Variants in PRMT8 observed in about 807,000 individuals in gnomAD.
PRMT8 encodes protein arginine methyltransferase 8.
Under a neutral mutation model 47.1 loss-of-function variants are expected in PRMT8, and 7 were observed. The observed-to-expected ratio is 0.15, with a 90% CI of 0.08 to 0.28. The LOEUF is 0.28. PRMT8 is among the 10% of genes least tolerant of loss of function. PRMT8 has a pLI of 1.00. For missense variants in PRMT8, 237 were observed against 505.4 expected (o/e 0.47, Z 5.09); for synonymous variants, 188 against 186.5 (o/e 1.01, Z -0.07).
At chr12:3,465,278 A>AG (rs1865086659) in intron 1 of PRMT8, among the ~76,000 whole-genome samples, 2 of 118,072 alleles carry the variant, frequency 1.7e-5, no homozygotes, top group South Asian at 6.4e-4. Context: ...TATAAAAATA[A>AG]AAAATATATA....
intron 1 of PRMT8, among the ~76,000 whole-genome samples, chr12:3,412,766 G>T (rs527665479): frequency 6.6e-6 from 1 of 152,088 alleles, no homozygotes; most frequent in African/African-American, 2.4e-5. Context: ...TTATGGATGC[G>T]TTCCCTTATA....
At chr12:3,592,427 G>A (rs1867327867) in intron 9 of PRMT8, 75 bp downstream of exon 9, 10 of 1,499,742 alleles carry the variant, frequency 6.7e-6, no homozygotes, top group South Asian at 5.2e-5. Context: ...CCACTTGCCC[G>A]GGTTCTTAAG....
chr12:3,412,740 T>G (rs1118701), intron 1 of PRMT8, among the ~76,000 whole-genome samples: 152,282 of 152,282 alleles, frequency 1, 76,141 homozygotes, highest in Non-Finnish European at 1. Context: ...GGTGGGGCCA[T>G]GTGGAGATAA....
At position 3,509,395 on chromosome 12, in the gene PRMT8, G is replaced by A. The variant is rs1865676967; in HGVS notation, c.75+17695G>A. Among the ~76,000 whole-genome samples the A allele has an allele frequency of 2.0e-5, 3 of 152,130 alleles. No individual in the cohort carries two copies. In the South Asian group the frequency reaches 6.2e-4, roughly 32 times the overall value. ...TTCCTGCTACCACCTTCAGATCCAA[G>A]TCTCCTCCTATGTTATCCTATAGTA... On this transcript the variant is annotated intron_variant, in intron 1 of 9. Transcript: ENST00000382622.
At chr12:3,464,269 G>GT (rs1321018467) in intron 1 of PRMT8, among the ~76,000 whole-genome samples, 3 of 144,792 alleles carry the variant, frequency 2.1e-5, no homozygotes, top group African/African-American at 5.1e-5. Context: ...ATGAATCCTG[G>GT]TAAAAAAAAA....
intron 1 of PRMT8, among the ~76,000 whole-genome samples, chr12:3,399,571 C>A (rs1338893144): frequency 6.6e-6 from 1 of 152,130 alleles, no homozygotes; most frequent in Non-Finnish European, 1.5e-5. Flanking sequence ...GTACAGAAAA[C>A]CATATCAGGA....
intron 1 of PRMT8, among the ~76,000 whole-genome samples, chr12:3,465,925 G>A (rs1865093371): frequency 6.6e-6 from 1 of 152,110 alleles, no homozygotes; most frequent in Non-Finnish European, 1.5e-5. Flanking sequence ...AAGAAATGTA[G>A]TCAACACTCC....
At chr12:3,511,815 A>G (rs1049204923) in intron 1 of PRMT8, among the ~76,000 whole-genome samples, 2 of 152,008 alleles carry the variant, frequency 1.3e-5, no homozygotes, top group African/African-American at 2.4e-5. Context: ...GCTAAAGGGG[A>G]AAAAAAAGCA....
intron 7 of PRMT8, 129 bp from the exon 8 acceptor site, chr12:3,582,929 A>T (rs1867097016): frequency 8.8e-7 from 1 of 1,131,136 alleles, no homozygotes; most frequent in Non-Finnish European, 1.2e-6. Flanking sequence ...CTGGGAAATC[A>T]CCCCAAGAAT....
At chr12:3,522,801 CA>C (rs538695308) in intron 1 of PRMT8, among the ~76,000 whole-genome samples, 3 of 150,052 alleles carry the variant, frequency 2.0e-5, no homozygotes, top group African/African-American at 7.4e-5. Context: ...AAAAAACAAA[CA>C]AACAAAAAAA....
intron 1 of PRMT8, among the ~76,000 whole-genome samples, chr12:3,394,733 G>C (rs1174191201): frequency 6.6e-6 from 1 of 152,102 alleles, no homozygotes; most frequent in Non-Finnish European, 1.5e-5. Flanking sequence ...CATAAAATGA[G>C]TTAGGGAGGA....
At chr12:3,584,959 C>G (rs922200750) in intron 8 of PRMT8, among the ~76,000 whole-genome samples, 2 of 152,300 alleles carry the variant, frequency 1.3e-5, no homozygotes, top group South Asian at 2.1e-4. Flanking sequence ...CTTGGTGATA[C>G]TCTCATAGCC....
chr12:3,418,454 C>T (rs1864506126), intron 1 of PRMT8, among the ~76,000 whole-genome samples: 1 of 152,188 alleles, frequency 6.6e-6, no homozygotes, highest in Admixed American at 6.5e-5. Flanking sequence ...AGCTTCTGCT[C>T]CACATGGGTG....
At chr12:3,437,103 C>G (rs1260993249) in intron 1 of PRMT8, among the ~76,000 whole-genome samples, 1 of 152,190 alleles carries the variant, frequency 6.6e-6, no homozygotes, top group Non-Finnish European at 1.5e-5. Context: ...ACCCCACCCT[C>G]CTGGGGTATC....
At chr12:3,506,781 C>G (rs763204567) in intron 1 of PRMT8, among the ~76,000 whole-genome samples, 13 of 152,202 alleles carry the variant, frequency 8.5e-5, no homozygotes, top group Non-Finnish European at 1.9e-4. Context: ...ACACACCACT[C>G]AAGCCTTGCT....
intron 1 of PRMT8, among the ~76,000 whole-genome samples, chr12:3,416,836 T>C (rs952178218): frequency 2.0e-5 from 3 of 152,182 alleles, no homozygotes; most frequent in African/African-American, 7.2e-5. Flanking sequence ...ACTGCCTGGA[T>C]GGAGATTGCG....
intron 1 of PRMT8, among the ~76,000 whole-genome samples, chr12:3,454,850 G>A (rs1864957122): frequency 6.6e-6 from 1 of 152,156 alleles, no homozygotes. Flanking sequence ...ATAACAACTG[G>A]AGCAGTACGA....
intron 1 of PRMT8, among the ~76,000 whole-genome samples, chr12:3,460,144 A>G (rs940642852): frequency 5.3e-5 from 8 of 152,188 alleles, no homozygotes; most frequent in African/African-American, 1.9e-4. Flanking sequence ...TGTTTTACAC[A>G]TAAGCGAACT....
chr12:3,552,501 A>T lies in PRMT8; in HGVS notation c.418-1150A>T. ...GGTCGCATGCTCCTCATCACTCAACATGGTCGCCTCTTGCAGATCAGATGA... is the reference window on the plus strand; with the variant it reads ...GGTCGCATGCTCCTCATCACTCAACTTGGTCGCCTCTTGCAGATCAGATGA... On this transcript the variant is annotated intron_variant, in intron 3 of 9. Transcript: ENST00000382622. This position sits in a 1 kb window ranked among gnomAD's most constrained non-coding sequence, Gnocchi z 4.5. The T allele has an allele frequency of 3.3e-6, 1 of 304,496 alleles. No individual in the cohort carries two copies. Among genetic ancestry groups the T allele is most frequent in the South Asian group, 2.7e-5 (1 of 36,842 alleles). The allele number at this position is 304,496 out of a possible 1,614,324, so 18.9% of individuals were successfully genotyped here. A position where few individuals can be genotyped will look rare whatever the true frequency, so the allele number is the denominator to read the frequency against.
Sources: gnomAD v4.1 joint callset for allele counts (sites outside exome capture counted in the v4.1 genomes callset) on GRCh38, gnomAD v4.1.1 for gene constraint, Gnocchi (gnomAD v3.1) non-coding constraint, MANE v1.5 for transcripts, NCBI Gene and HGNC (gene_info 2026-07-23, HGNC 2026-07-21) for gene names.